The following TIMM8B variants were observed in gnomAD, a reference collection of about 807,000 sequenced individuals.
TIMM8B encodes the protein translocase of inner mitochondrial membrane 8 homolog B, also known as mitochondrial import inner membrane translocase subunit Tim8 B.
TIMM8B carries 5 observed loss-of-function variants against 8.5 expected under a neutral mutation model. The observed-to-expected ratio is 0.59, with a 90% confidence interval of 0.31 to 1.24. TIMM8B has a LOEUF of 1.24. Among genes scored for constraint, TIMM8B ranks in the 50% most tolerant of loss-of-function variants. The pLI, the probability that TIMM8B is intolerant of heterozygous loss-of-function variation, is 0.07. For missense variants in TIMM8B, 104 were observed against 109.2 expected (o/e 0.95, Z 0.21); for synonymous variants, 44 against 39.9 (o/e 1.10, Z -0.39).
rs146459855 is a variant in TIMM8B at position 112,086,065 on chromosome 11, A to C, written c.84+575T>G. The C allele has an allele frequency of 1.3e-3, 1,522 of 1,186,110 alleles. 7 individuals carry two copies. The Middle Eastern group carries it at 0.016, about 13-fold the overall frequency. The allele number at this position is 1,186,110 out of a possible 1,614,324, so 73.5% of individuals were successfully genotyped here. On this transcript the variant is annotated intron_variant, in intron 1 of 1. Transcript: ENST00000504148. ...CACCTCCCATTTAAGAGGCGTGATTATGTAGTCCAAGGTCATGTAGCCAGC... is the reference window on the plus strand; with the variant it reads ...CACCTCCCATTTAAGAGGCGTGATTCTGTAGTCCAAGGTCATGTAGCCAGC...
intron 1 of TIMM8B, chr11:112,086,167 C>T (rs1004627553): frequency 2.1e-5 from 13 of 633,800 alleles, no homozygotes; most frequent in East Asian, 6.6e-5. Flanking sequence ...ACAGCGACTA[C>T]TTCAGAGTCC....
In TIMM8B at chr11:112,085,194, C is replaced by A. The variant is rs910240568; in HGVS notation, c.*101G>T. 26 of 900,130 alleles carry A rather than the reference C, an allele frequency of 2.9e-5. No homozygotes were observed. The African/African-American group carries it at 4.3e-4, about 15-fold the overall frequency. The allele number at this position is 900,130 out of a possible 1,614,324, so 55.8% of individuals were successfully genotyped here. On this transcript the variant is annotated 3_prime_UTR_variant, in exon 2 of 2. Transcript: ENST00000504148. Reference sequence around the variant, plus strand: ...TTAGCACCAACAGACTTGATAACAGCCTGATGCTGATCTGACAATGGGTTG... The same window carrying A: ...TTAGCACCAACAGACTTGATAACAGACTGATGCTGATCTGACAATGGGTTG...
chr11:112,085,891 A>G (rs1865586030), intron 1 of TIMM8B: 2 of 550,510 alleles, frequency 3.6e-6, no homozygotes, highest in Non-Finnish European at 4.9e-6. Flanking sequence ...TCAGGGCCCA[A>G]AGATTTCTAG....
intron 1 of TIMM8B, chr11:112,086,230 C>T: frequency 2.0e-6 from 1 of 500,120 alleles, no homozygotes; most frequent in South Asian, 1.5e-5. Context: ...CGCATATGAT[C>T]CTCACAATCC....
chr11:112,084,964 T>C lies in TIMM8B; in HGVS notation c.*331A>G. 1 of 193,814 alleles carries C rather than the reference T, an allele frequency of 5.2e-6. No individual in the cohort carries two copies. The highest frequency in any genetic ancestry group is 1.1e-5 in the Non-Finnish European group (1 of 94,862). The allele number at this position is 193,814 out of a possible 1,614,324, so 12.0% of individuals were successfully genotyped here. On this transcript the variant is annotated 3_prime_UTR_variant, in exon 2 of 2. Transcript: ENST00000504148. ...TGGCTTAGGGTGGTTTTTCAAAACC[T>C]ACAATCCCCCATTTGCACTACTGGC...
chr11:112,086,117 G>A (rs1225179713), intron 1 of TIMM8B: 1 of 1,131,800 alleles, frequency 8.8e-7, no homozygotes, highest in Non-Finnish European at 1.2e-6. Flanking sequence ...TTAGAACCAT[G>A]TCCGAAGGGC....
chr11:112,086,673 G>A lies in TIMM8B; in HGVS notation c.51C>T (p.Ala17=), dbSNP rs748790165. The A allele has an allele frequency of 2.5e-6, 4 of 1,602,178 alleles. No homozygotes were observed. In the African/African-American group the frequency reaches 4.0e-5, roughly 16 times the overall value. ...ADEAELQRLV[A]AEQQKAQFTA... is the part of the protein sequence containing the mutation. ...TAAACTGCGCCTTCTGCTGCTCGGC[G>A]GCCACCAGGCGCTGCAACTCCGCTT... The change falls in exon 1 of 2, where the codon GCC becomes GCT. Residue 17 remains alanine (A), a synonymous_variant. Transcript: ENST00000504148.
At chr11:112,085,533 C>T in intron 1 of TIMM8B, 71 bp from the exon 2 acceptor site, 9 of 1,313,834 alleles carry the variant, frequency 6.9e-6, no homozygotes, top group Non-Finnish European at 9.4e-6. Context: ...TAACTTCTCA[C>T]TTTTTGACAC....
rs926061914 is a variant in TIMM8B, at chr11:112,084,986, T to C, written c.*309A>G. The C allele has an allele frequency of 1.8e-5, 4 of 218,482 alleles. No homozygotes were observed. Among genetic ancestry groups the C allele is most frequent in the Non-Finnish European group, 3.6e-5 (4 of 110,750 alleles). 13.5% of individuals were successfully genotyped at this position (218,482 alleles called of 1,614,324 possible). A position where few individuals can be genotyped will look rare whatever the true frequency, so the allele number is the denominator to read the frequency against. On this transcript the variant is annotated 3_prime_UTR_variant, in exon 2 of 2. Coordinates refer to ENST00000504148, the MANE Select transcript of TIMM8B (RefSeq NM_012459.4). ...ACCTACAATCCCCCATTTGCACTAC[T>C]GGCCATGGAACATTTATTTCTAGTG... is the stretch of plus-strand genomic sequence containing the variant.
intron 1 of TIMM8B, chr11:112,086,073 C>T: frequency 8.3e-7 from 1 of 1,199,978 alleles, no homozygotes; most frequent in East Asian, 5.8e-5. Flanking sequence ...TTATGTAGTC[C>T]AAGGTCATGT....
At chr11:112,086,026 A>G in intron 1 of TIMM8B, 2 of 1,161,784 alleles carry the variant, frequency 1.7e-6, no homozygotes, top group Non-Finnish European at 1.1e-6. Context: ...AAGGTCCTCA[A>G]GGATAGCTGT....
At chr11:112,086,610 C>A in intron 1 of TIMM8B, 30 bp downstream of exon 1, 2 of 1,551,768 alleles carry the variant, frequency 1.3e-6, no homozygotes, top group South Asian at 2.4e-5. Flanking sequence ...GGTGAAACTT[C>A]CTTTCCCTTC....
Position 112,085,607 on chromosome 11 carries a change from C to G in TIMM8B, c.85-145G>C, listed in dbSNP as rs1339410452. 15 of 652,096 alleles carry G rather than the reference C, an allele frequency of 2.3e-5. No homozygotes were observed. In the Admixed American group the frequency reaches 2.4e-4, roughly 10 times the overall value. The allele number at this position is 652,096 out of a possible 1,614,324, so 40.4% of individuals were successfully genotyped here. A position where few individuals can be genotyped will look rare whatever the true frequency, so the allele number is the denominator to read the frequency against. The stretch of plus-strand genomic sequence containing the variant: ...TTGGGCTCTTCTCTTTCTTCATTTC[C>G]TAATTAGTCACCAATATTGATCCAG... On this transcript the variant is annotated intron_variant, in intron 1 of 1. Transcript: ENST00000504148.
At chr11:112,085,488 A>G (rs1865574983) in intron 1 of TIMM8B, 26 bp from the exon 2 acceptor site, 2 of 1,598,170 alleles carry the variant, frequency 1.3e-6, no homozygotes, top group Admixed American at 1.7e-5. Flanking sequence ...AATAGTAACC[A>G]TTGGGGTCTG....
chr11:112,085,254 G>A lies in TIMM8B; in HGVS notation c.*41C>T. On this transcript the variant is annotated 3_prime_UTR_variant, in exon 2 of 2. Transcript: ENST00000504148. ...CCCCACTGACCCTTAAATCTGCTTA[G>A]TAACAAGTCCTTTGCTTCTGTCATT... The A allele has an allele frequency of 6.4e-7, 1 of 1,566,560 alleles. No individual in the cohort carries two copies. Among genetic ancestry groups the A allele is most frequent in the African/African-American group, 1.4e-5 (1 of 74,018 alleles).
chr11:112,086,248 C>T lies in TIMM8B; in HGVS notation c.84+392G>A, dbSNP rs916444344. The T allele has an allele frequency of 3.7e-4, 185 of 495,778 alleles. No individual in the cohort carries two copies. In the Admixed American group the frequency reaches 4.2e-3, roughly 11 times the overall value. 30.7% of individuals were successfully genotyped at this position (495,778 alleles called of 1,614,324 possible). On this transcript the variant is annotated intron_variant, in intron 1 of 1. Coordinates refer to ENST00000504148, the MANE Select transcript of TIMM8B (RefSeq NM_012459.4). ...ATATGATCCTCACAATCCAGTGAGG[C>T]AGTGGGGTGACGGCGACACCAAAAC...
Position 112,086,733 on chromosome 11 carries a change from C to G in TIMM8B, c.-10G>C. On this transcript the variant is annotated 5_prime_UTR_variant, in exon 1 of 2. Coordinates refer to ENST00000504148, the MANE Select transcript of TIMM8B (RefSeq NM_012459.4). ...CGCCCAGCTCCGCCATTGTTCGCCTCAGGCTCGCCACCTTCCGACAGCTGT... is the reference window on the plus strand; with the variant it reads ...CGCCCAGCTCCGCCATTGTTCGCCTGAGGCTCGCCACCTTCCGACAGCTGT... The G allele has an allele frequency of 1.2e-6, 2 of 1,601,624 alleles. No individual in the cohort carries two copies. Among genetic ancestry groups the G allele is most frequent in the Non-Finnish European group, 1.7e-6 (2 of 1,175,734 alleles).
intron 1 of TIMM8B, 126 bp downstream of exon 1, chr11:112,086,514 G>T: frequency 7.2e-7 from 1 of 1,387,158 alleles, no homozygotes; most frequent in Non-Finnish European, 9.7e-7. Flanking sequence ...TTTGTCTTTC[G>T]TGAGGGGAAT....
chr11:112,085,946 A>T, intron 1 of TIMM8B: 4 of 1,047,958 alleles, frequency 3.8e-6, no homozygotes, highest in Non-Finnish European at 4.7e-6. Context: ...CCTCCCACCC[A>T]AAAGGAAAAA....
Sources: allele counts gnomAD v4.1 joint callset, GRCh38; gene constraint gnomAD v4.1.1; transcripts MANE v1.5; gene names NCBI Gene and HGNC (gene_info 2026-07-23, HGNC 2026-07-21).